PRDM16: variants seen among roughly 807,000 people sequenced by gnomAD.
The protein encoded by PRDM16 is PR/SET domain 16, also known as histone-lysine N-methyltransferase PRDM16.
PRDM16 carries 23 observed loss-of-function variants against 110.6 expected under a neutral mutation model. The ratio of observed to expected loss-of-function variants is 0.21; its 90% confidence interval spans 0.15 to 0.29. The LOEUF is 0.29. Ranked by LOEUF, PRDM16 falls within the 10% of genes least tolerant of loss-of-function variation. The pLI is 1.00. For missense variants in PRDM16, 1,615 were observed against 1,794.3 expected (o/e 0.90, Z 1.81); for synonymous variants, 799 against 781.8 (o/e 1.02, Z -0.37).
chr1:3,265,560 T>C lies in PRDM16; in HGVS notation c.438+21423T>C, dbSNP rs1433507345. Among the ~76,000 whole-genome samples the C allele has an allele frequency of 6.6e-6, 1 of 151,910 alleles. No homozygotes were observed. Among genetic ancestry groups the C allele is most frequent in the Non-Finnish European group, 1.5e-5 (1 of 67,920 alleles). On this transcript the variant is annotated intron_variant, in intron 3 of 16. Coordinates refer to ENST00000270722, the MANE Select transcript of PRDM16 (RefSeq NM_022114.4). The surrounding 1 kb of genome is among the most constrained non-coding windows in gnomAD (Gnocchi z 4.5). ...ACTCAAGGGACCCATCCGAGGTTCA[T>C]GGGAAGAGGAGAAGGGGTCGTCCTG... is the stretch of plus-strand genomic sequence containing the variant.
intron 3 of PRDM16, among the ~76,000 whole-genome samples, chr1:3,378,897 G>C (rs1242831294): frequency 3.9e-5 from 6 of 151,966 alleles, no homozygotes; most frequent in Non-Finnish European, 8.8e-5. Context: ...TCCTCCATCT[G>C]CTCCCTCCTT....
intron 3 of PRDM16, among the ~76,000 whole-genome samples, chr1:3,266,283 C>G (rs1359693411): frequency 6.6e-6 from 1 of 152,186 alleles, no homozygotes; most frequent in Non-Finnish European, 1.5e-5. Context: ...ATCGGGCGGG[C>G]CTGCCTGGCA....
chr1:3,069,908 C>G lies in PRDM16; in HGVS notation c.37+612C>G, dbSNP rs1641706269. Among the ~76,000 whole-genome samples, 1 of 151,908 alleles carries G rather than the reference C, an allele frequency of 6.6e-6. No homozygotes were observed. Among genetic ancestry groups the G allele is most frequent in the African/African-American group, 2.4e-5 (1 of 41,414 alleles). On this transcript the variant is annotated intron_variant, in intron 1 of 16. Transcript: ENST00000270722. This position sits in a 1 kb window ranked among gnomAD's most constrained non-coding sequence, Gnocchi z 6.1. ...GCGGGCGCAGGGGCAGGGGTGGCGA[C>G]GGCGGGACAGCCGCAGCCACTTGGG...
chr1:3,178,309 C>A (rs1644112671), intron 1 of PRDM16, among the ~76,000 whole-genome samples: 1 of 152,192 alleles, frequency 6.6e-6, no homozygotes, highest in African/African-American at 2.4e-5. Context: ...CACAGTCCTT[C>A]TGAAATTCTT....
intron 1 of PRDM16, among the ~76,000 whole-genome samples, chr1:3,135,622 G>A (rs1360777046): frequency 6.6e-6 from 1 of 152,190 alleles, no homozygotes; most frequent in African/African-American, 2.4e-5. Flanking sequence ...GAGCCCGCCT[G>A]ACGCGACATC....
chr1:3,393,937 CCCT>C (rs1557650144), intron 4 of PRDM16, among the ~76,000 whole-genome samples: 1 of 152,176 alleles, frequency 6.6e-6, no homozygotes, highest in East Asian at 1.9e-4. Context: ...GGCCAAGGCG[CCCT>C]CCTCCTGCAG....
At chr1:3,114,253 C>G (rs369291683) in intron 1 of PRDM16, among the ~76,000 whole-genome samples, 15 of 143,022 alleles carry the variant, frequency 1.0e-4, no homozygotes, top group African/African-American at 2.4e-4. Context: ...AACATGCACA[C>G]GCACGCGCAC....
chr1:3,214,453 T>TA (rs1386714139), intron 2 of PRDM16, among the ~76,000 whole-genome samples: 1 of 152,072 alleles, frequency 6.6e-6, no homozygotes, highest in Non-Finnish European at 1.5e-5. Flanking sequence ...TCCCAGCACT[T>TA]TGGGAGGCCA....
At chr1:3,310,835 T>G (rs892990098) in intron 3 of PRDM16, among the ~76,000 whole-genome samples, 1 of 152,086 alleles carries the variant, frequency 6.6e-6, no homozygotes, top group Admixed American at 6.5e-5. Flanking sequence ...CTGGTGTGGA[T>G]TGTGCATATG....
chr1:3,424,979 A>AG (rs1638552146), intron 12 of PRDM16: 1 of 147,882 alleles, frequency 6.8e-6, no homozygotes, highest in Non-Finnish European at 1.5e-5. Flanking sequence ...GAGACGCCGG[A>AG]GGGTCGGGCG....
At chr1:3,331,655 C>A (rs1642044434) in intron 3 of PRDM16, among the ~76,000 whole-genome samples, 2 of 152,176 alleles carry the variant, frequency 1.3e-5, no homozygotes, top group African/African-American at 4.8e-5. Context: ...ATCCTGGTGC[C>A]CAGGGCCGCT....
intron 2 of PRDM16, among the ~76,000 whole-genome samples, chr1:3,227,251 C>T (rs1175193644): frequency 2.0e-5 from 3 of 152,236 alleles, no homozygotes; most frequent in East Asian, 1.9e-4. Flanking sequence ...CCCCGGTGGC[C>T]GTTTGGGGAG....
At chr1:3,159,551 C>T (rs577833311) in intron 1 of PRDM16, among the ~76,000 whole-genome samples, 1 of 152,302 alleles carries the variant, frequency 6.6e-6, no homozygotes, top group Admixed American at 6.5e-5. Context: ...CTCACTTTTC[C>T]TTATGACCCC....
At chr1:3,237,237 G>A (rs1228466473) in intron 2 of PRDM16, among the ~76,000 whole-genome samples, 1 of 152,046 alleles carries the variant, frequency 6.6e-6, no homozygotes, top group African/African-American at 2.4e-5. Flanking sequence ...AAAGGGCCAT[G>A]GCAGAGCTCC....
At chr1:3,381,819 G>C (rs1031111722) in intron 3 of PRDM16, among the ~76,000 whole-genome samples, 1 of 152,234 alleles carries the variant, frequency 6.6e-6, no homozygotes, top group Admixed American at 6.5e-5. Context: ...CAAAAGAGAC[G>C]CATGCTGAGA....
intron 5 of PRDM16, among the ~76,000 whole-genome samples, chr1:3,402,566 T>C (rs1643490768): frequency 6.6e-6 from 1 of 151,628 alleles, no homozygotes; most frequent in African/African-American, 2.4e-5. Context: ...GATTGGGGGG[T>C]CCTTTGGTCC....
At chr1:3,249,942 G>C (rs970367072) in intron 3 of PRDM16, among the ~76,000 whole-genome samples, 4 of 152,198 alleles carry the variant, frequency 2.6e-5, no homozygotes, top group African/African-American at 9.7e-5. Context: ...CCTTGATTTT[G>C]CTGAATCAAA....
intron 6 of PRDM16, among the ~76,000 whole-genome samples, chr1:3,403,571 G>A (rs1643510396): frequency 6.6e-6 from 1 of 152,234 alleles, no homozygotes; most frequent in African/African-American, 2.4e-5. Flanking sequence ...GTCCCAGGAG[G>A]GGCTTCAGAG....
At chr1:3,111,645 G>T (rs1642797585) in intron 1 of PRDM16, among the ~76,000 whole-genome samples, 1 of 152,026 alleles carries the variant, frequency 6.6e-6, no homozygotes, top group South Asian at 2.1e-4. Context: ...GGTCAGGGGC[G>T]CACGCCCCCT....
Sources: allele counts gnomAD v4.1 joint callset (sites outside exome capture counted in the v4.1 genomes callset), GRCh38; gene constraint gnomAD v4.1.1; non-coding constraint Gnocchi (gnomAD v3.1); transcripts MANE v1.5; gene names NCBI Gene and HGNC (gene_info 2026-07-23, HGNC 2026-07-21).